The following ABI3BP variants were observed in gnomAD, a reference collection of about 807,000 sequenced individuals.
ABI3BP encodes the protein ABI family member 3 binding protein, also known as target of Nesh-SH3.
Under a neutral mutation model 268.6 loss-of-function variants are expected in ABI3BP, and 216 were observed. The observed-to-expected ratio is 0.80, with a 90% confidence interval of 0.72 to 0.90. ABI3BP has a LOEUF of 0.90. ABI3BP is among the 40% of genes least tolerant of loss of function. The pLI, the probability that ABI3BP is intolerant of heterozygous loss-of-function variation, is 0.00. For synonymous variants in ABI3BP, 730 were observed against 730.0 expected, an observed-to-expected ratio of 1.00 and a Z score of 0.00; for missense variants, 2,090 against 2,182.4, an observed-to-expected ratio of 0.96 and a Z score of 0.84.
intron 63 of ABI3BP, among the ~76,000 whole-genome samples, chr3:100,761,899 T>C (rs2095977811): frequency 6.6e-6 from 1 of 152,222 alleles, no homozygotes; most frequent in Admixed American, 6.5e-5. Context: ...TTTACATATA[T>C]CTCCTAGTGT....
chr3:100,934,515 G>C (rs1271068146), intron 1 of ABI3BP, among the ~76,000 whole-genome samples: 2 of 152,106 alleles, frequency 1.3e-5, no homozygotes, highest in Admixed American at 6.6e-5. Context: ...GGATTGCTGG[G>C]TCAAATGGTA....
intron 1 of ABI3BP, among the ~76,000 whole-genome samples, chr3:100,952,953 C>G (rs1371225877): frequency 2.6e-5 from 4 of 152,142 alleles, no homozygotes; most frequent in Non-Finnish European, 4.4e-5. Flanking sequence ...GAGCTGTTTA[C>G]TTGCTCTATT....
intron 3 of ABI3BP, 129 bp from the exon 4 acceptor site, chr3:100,899,023 T>A (rs1273354883): frequency 5.9e-6 from 6 of 1,013,998 alleles, no homozygotes; most frequent in Non-Finnish European, 7.2e-6. Context: ...CCTTTCCTTT[T>A]CTATAGTCCA....
At chr3:100,796,386 G>A in intron 52 of ABI3BP, 23 bp downstream of exon 52, 1 of 1,545,980 alleles carries the variant, frequency 6.5e-7, no homozygotes, top group Non-Finnish European at 8.7e-7. Flanking sequence ...TTCTTAGCCA[G>A]AAGGATGAAA....
chr3:100,775,435 T>A, intron 59 of ABI3BP, 100 bp from the exon 60 acceptor site: 1 of 1,481,278 alleles, frequency 6.8e-7, no homozygotes, highest in Non-Finnish European at 9.1e-7. Flanking sequence ...ACTGACCATG[T>A]GGCTTGGCAC....
chr3:100,832,003 G>A (rs2098502668), intron 31 of ABI3BP, among the ~76,000 whole-genome samples: 1 of 152,124 alleles, frequency 6.6e-6, no homozygotes, highest in Non-Finnish European at 1.5e-5. Context: ...TTAAATGATT[G>A]TGCTGGCTCA....
intron 60 of ABI3BP, 38 bp from the exon 61 acceptor site, chr3:100,774,711 TA>T: frequency 7.0e-7 from 1 of 1,434,404 alleles, no homozygotes; most frequent in Non-Finnish European, 9.4e-7. Context: ...TGGCAAAAGA[TA>T]AAAAAGCTTC....
intron 63 of ABI3BP, among the ~76,000 whole-genome samples, chr3:100,764,351 C>CTT (rs2096153127): frequency 6.6e-6 from 1 of 152,198 alleles, no homozygotes; most frequent in Non-Finnish European, 1.5e-5. Flanking sequence ...AACTGCCTCT[C>CTT]CTCTAGCCTT....
chr3:100,876,522 G>C lies in ABI3BP; in HGVS notation c.735C>G (p.Ile245Met). The C allele has an allele frequency of 6.2e-7, 1 of 1,613,110 alleles. No homozygotes were observed. Among genetic ancestry groups the C allele is most frequent in the South Asian group, 1.1e-5 (1 of 91,002 alleles). Residue 245 changes from isoleucine (I) to methionine (M), a missense_variant, in exon 7 of 68, where the codon ATC becomes ATG. By Grantham distance (10) the Ile-to-Met change is conservative. Transcript: ENST00000471714. ...YVPRKLIPIT[I>M]IKQVIQNVTH... is the part of the protein sequence containing the mutation. ...GAGCAGACAAATTACCTTGCTTGAT[G>C]ATTGTTATTGGGATTAGTTTCCTTG...
At chr3:100,865,558 G>T (rs560410346) in intron 10 of ABI3BP, among the ~76,000 whole-genome samples, 122 of 152,268 alleles carry the variant, frequency 8.0e-4, no homozygotes, top group African/African-American at 2.7e-3. Context: ...GGAGAAATAA[G>T]AACTAAGATC....
intron 51 of ABI3BP, among the ~76,000 whole-genome samples, chr3:100,800,001 A>G (rs1477168114): frequency 6.6e-6 from 1 of 152,128 alleles, no homozygotes; most frequent in Non-Finnish European, 1.5e-5. Flanking sequence ...AGTTAACGGC[A>G]TCATTATCTA....
At chr3:100,843,417 T>A (rs1040681683) in intron 20 of ABI3BP, among the ~76,000 whole-genome samples, 77 of 151,410 alleles carry the variant, frequency 5.1e-4, no homozygotes, top group African/African-American at 1.9e-3. Context: ...TGTGTGTGTG[T>A]GTGTGAGTGA....
intron 1 of ABI3BP, among the ~76,000 whole-genome samples, chr3:100,944,914 A>G (rs998714612): frequency 1.3e-5 from 2 of 152,062 alleles, no homozygotes; most frequent in Non-Finnish European, 2.9e-5. Flanking sequence ...TTTGCTCTCA[A>G]CTCCACTGTG....
intron 1 of ABI3BP, among the ~76,000 whole-genome samples, chr3:100,967,481 G>A (rs1204439905): frequency 1.4e-5 from 2 of 146,618 alleles, no homozygotes; most frequent in Admixed American, 1.4e-4. Context: ...TCTAGCCTGG[G>A]TGACAGAGTG....
intron 1 of ABI3BP, among the ~76,000 whole-genome samples, chr3:100,948,544 A>G (rs559025967): frequency 1.3e-5 from 2 of 152,166 alleles, no homozygotes; most frequent in African/African-American, 4.8e-5. Flanking sequence ...AATTGCCGCA[A>G]TTGGCAGAGA....
In ABI3BP at chr3:100,866,809, A is replaced by T. The variant is rs186820983; in HGVS notation, c.988+70T>A. The T allele has an allele frequency of 4.7e-6, 6 of 1,268,944 alleles. No individual in the cohort carries two copies. The East Asian group carries it at 1.4e-4, about 30-fold the overall frequency. 78.6% of individuals were successfully genotyped at this position (1,268,944 alleles called of 1,614,324 possible). On this transcript the variant is annotated intron_variant, in intron 10 of 67. Transcript: ENST00000471714. The stretch of plus-strand genomic sequence containing the variant: ...CTACTGGCTCTTTACTGAAAAAAAG[A>T]CTGCAGATTAGTATTTGAAAAAAAG...
intron 34 of ABI3BP, 84 bp downstream of exon 34, chr3:100,828,309 A>G (rs2098424634): frequency 3.0e-6 from 4 of 1,314,330 alleles, no homozygotes; most frequent in Non-Finnish European, 3.1e-6. Flanking sequence ...AAAACCAAAA[A>G]TGTAATTGAA....
At chr3:100,778,200 T>C (rs2096761982) in intron 59 of ABI3BP, 84 bp downstream of exon 59, 3 of 1,338,538 alleles carry the variant, frequency 2.2e-6, no homozygotes, top group Admixed American at 3.6e-5. Flanking sequence ...ATAGTGTGCC[T>C]GTTGCTAGCA....
chr3:100,766,414 A>G (rs1005623716), intron 62 of ABI3BP, among the ~76,000 whole-genome samples: 1 of 152,182 alleles, frequency 6.6e-6, no homozygotes, highest in Non-Finnish European at 1.5e-5. Context: ...ATTGCTGCAG[A>G]AAACTTCTTT....
Sources: gnomAD v4.1 joint callset for allele counts (sites outside exome capture counted in the v4.1 genomes callset) on GRCh38, gnomAD v4.1.1 for gene constraint, MANE v1.5 for transcripts, NCBI Gene and HGNC (gene_info 2026-07-23, HGNC 2026-07-21) for gene names.